Variants in LRP12 observed in about 807,000 individuals in gnomAD.
LRP12 encodes the protein LDL receptor related protein 12.
Under a neutral mutation model 66.0 loss-of-function variants are expected in LRP12, and 14 were observed. That is an observed-to-expected ratio of 0.21 (90% CI 0.14 to 0.33). LRP12 has a LOEUF of 0.33. LRP12 is among the 10% of genes least tolerant of loss of function. LRP12 has a pLI of 1.00. For missense variants in LRP12, 889 were observed against 1,053.4 expected (o/e 0.84, Z 2.16); for synonymous variants, 357 against 359.1 (o/e 0.99, Z 0.07).
At chr8:104,581,069 G>A (rs998136109) in intron 1 of LRP12, among the ~76,000 whole-genome samples, 7 of 152,138 alleles carry the variant, frequency 4.6e-5, no homozygotes, top group Non-Finnish European at 1.5e-5. Flanking sequence ...TAAAGAAAAC[G>A]TGGTACACAT....
chr8:104,521,012 C>G (rs1232112261), intron 2 of LRP12, among the ~76,000 whole-genome samples: 1 of 152,036 alleles, frequency 6.6e-6, no homozygotes, highest in African/African-American at 2.4e-5. Context: ...ACAATACAAC[C>G]TGTTCTGTCT....
At position 104,588,887 on chromosome 8, in the gene LRP12, C is replaced by A. The variant is rs1812381021; in HGVS notation, c.11G>T (p.Arg4Leu). The part of the protein sequence containing the change: MAC[R>L]WSTKESPRWR... Reference sequence around the variant, plus strand: ...CCGCGGAGACTCTTTTGTGCTCCAGCGACAGGCCATAACCACAGCAGATGG... The same window carrying A: ...CCGCGGAGACTCTTTTGTGCTCCAGAGACAGGCCATAACCACAGCAGATGG... Residue 4 changes from arginine (R) to leucine (L), a missense_variant, in exon 1 of 7, where the codon CGC (arginine) becomes CTC (leucine). Physicochemically the swap from Arg to Leu is moderately radical, Grantham distance 102 (BLOSUM62 -2). Around this residue, in one of 3 missense-constraint regions of LRP12, gnomAD observed 88 missense variants for 72.5 expected, o/e 1.21. Coordinates refer to ENST00000276654, the MANE Select transcript of LRP12 (RefSeq NM_013437.5). The A allele has an allele frequency of 1.9e-6, 3 of 1,609,320 alleles. No individual in the cohort carries two copies. The highest frequency in any genetic ancestry group is 2.2e-5 in the East Asian group (1 of 44,632).
intron 1 of LRP12, among the ~76,000 whole-genome samples, chr8:104,536,649 T>C (rs911650420): frequency 6.6e-6 from 1 of 152,024 alleles, no homozygotes; most frequent in Non-Finnish European, 1.5e-5. Context: ...AGCTTCTTAT[T>C]CAAGGGGAAA....
intron 1 of LRP12, among the ~76,000 whole-genome samples, chr8:104,565,015 A>C (rs1811976889): frequency 1.3e-5 from 2 of 152,160 alleles, no homozygotes. Flanking sequence ...TAAATTATAG[A>C]ATAAAAAGAT....
At chr8:104,581,846 C>G (rs1812253393) in intron 1 of LRP12, among the ~76,000 whole-genome samples, 1 of 152,142 alleles carries the variant, frequency 6.6e-6, no homozygotes, top group African/African-American at 2.4e-5. Context: ...TCTAATAATA[C>G]CTACCTCACA....
chr8:104,584,789 C>T (rs1564151177), intron 1 of LRP12, among the ~76,000 whole-genome samples: 2 of 152,290 alleles, frequency 1.3e-5, no homozygotes, highest in South Asian at 2.1e-4. Context: ...TTATTCAACA[C>T]ATTTTATGTA....
At chr8:104,509,497 T>C (rs1249894705) in intron 2 of LRP12, among the ~76,000 whole-genome samples, 1 of 152,220 alleles carries the variant, frequency 6.6e-6, no homozygotes, top group African/African-American at 2.4e-5. Flanking sequence ...ACGCTGTGTA[T>C]GCTACCCACC....
In LRP12 at chr8:104,558,192, A is replaced by C. The variant is rs1471276149; in HGVS notation, c.80-26229T>G. On this transcript the variant is annotated intron_variant, in intron 1 of 6. Coordinates refer to ENST00000276654, the MANE Select transcript of LRP12 (RefSeq NM_013437.5). Reference sequence around the variant, plus strand: ...ACCACTGCACTCCAGCTTGTGTGACAGAGTAAGACTTCATCAAAAACAAAC... The same window carrying C: ...ACCACTGCACTCCAGCTTGTGTGACCGAGTAAGACTTCATCAAAAACAAAC... Among the ~76,000 whole-genome samples the C allele has an allele frequency of 2.6e-5, 4 of 152,128 alleles. No homozygotes were observed. In the South Asian group the frequency reaches 6.2e-4, roughly 24 times the overall value.
At position 104,588,940 on chromosome 8, in the gene LRP12, G is replaced by T; in HGVS notation, c.-43C>A. 2 of 1,476,648 alleles carry T rather than the reference G, an allele frequency of 1.4e-6. No individual in the cohort carries two copies. The highest frequency in any genetic ancestry group is 9.2e-7 in the Non-Finnish European group (1 of 1,084,594). The allele number at this position is 1,476,648 out of a possible 1,614,324, so 91.5% of individuals were successfully genotyped here. A position where few individuals can be genotyped will look rare whatever the true frequency, so the allele number is the denominator to read the frequency against. ...AGAGAGAGGAGGAGACGGAGGAGGA[G>T]GGAGGAGAAGCTGGAGGTAGACGAC... On this transcript the variant is annotated 5_prime_UTR_variant, in exon 1 of 7. Coordinates refer to ENST00000276654, the MANE Select transcript of LRP12 (RefSeq NM_013437.5).
intron 1 of LRP12, among the ~76,000 whole-genome samples, chr8:104,543,572 T>C (rs1327202648): frequency 6.6e-6 from 1 of 152,210 alleles, no homozygotes; most frequent in African/African-American, 2.4e-5. Flanking sequence ...AACCTTATAA[T>C]GATCTCTAAG....
chr8:104,510,710 G>T (rs1810979906), intron 2 of LRP12, among the ~76,000 whole-genome samples: 1 of 152,026 alleles, frequency 6.6e-6, no homozygotes, highest in Non-Finnish European at 1.5e-5. Context: ...GCTGCCAGGG[G>T]TACATAAACA....
intron 1 of LRP12, among the ~76,000 whole-genome samples, chr8:104,540,923 G>A (rs1429020680): frequency 2.0e-5 from 3 of 152,042 alleles, no homozygotes; most frequent in Non-Finnish European, 2.9e-5. Context: ...TAGTAGAGAC[G>A]GGGTTTCACC....
In LRP12 at chr8:104,490,551, A is replaced by G. The variant is rs1810602115; in HGVS notation, c.*122T>C. The G allele has an allele frequency of 6.3e-6, 7 of 1,105,402 alleles. No homozygotes were observed. The highest frequency in any genetic ancestry group is 5.0e-5 in the East Asian group (2 of 40,346). The allele number at this position is 1,105,402 out of a possible 1,614,324, so 68.5% of individuals were successfully genotyped here. A position where few individuals can be genotyped will look rare whatever the true frequency, so the allele number is the denominator to read the frequency against. On this transcript the variant is annotated 3_prime_UTR_variant, in exon 7 of 7. Coordinates refer to ENST00000276654, the MANE Select transcript of LRP12 (RefSeq NM_013437.5). Reference sequence around the variant, plus strand: ...AATTTAACCATGCAGGCTAACATATAATAATAAGAAATCACCCTGCATTTT... The same window carrying G: ...AATTTAACCATGCAGGCTAACATATGATAATAAGAAATCACCCTGCATTTT...
rs1010338777 is a variant in LRP12 at position 104,490,750 on chromosome 8, C to G, written c.2503G>C (p.Ala835Pro). ...PCERCGIVHT[A>P]QIPDTCLEVT... ...TCTAAGCAAGTGTCTGGTATCTGGG[C>G]AGTGTGGACAATACCACAGCGCTCA... is the stretch of plus-strand genomic sequence containing the variant. Residue 835 changes from alanine (A) to proline (P), a missense_variant, in exon 7 of 7, where the codon GCC becomes CCC. Transcript: ENST00000276654. 6.2e-7 allele frequency: 1 copy of G among 1,613,970 alleles called. No individual in the cohort carries two copies. Among genetic ancestry groups the G allele is most frequent in the Non-Finnish European group, 8.5e-7 (1 of 1,180,018 alleles).
At chr8:104,566,878 C>T (rs1379188900) in intron 1 of LRP12, among the ~76,000 whole-genome samples, 8 of 151,996 alleles carry the variant, frequency 5.3e-5, no homozygotes, top group East Asian at 3.9e-4. Flanking sequence ...TAAAATAGCA[C>T]AAGCGGCTGG....
chr8:104,518,711 T>A (rs1001363942), intron 2 of LRP12, among the ~76,000 whole-genome samples: 2 of 152,080 alleles, frequency 1.3e-5, no homozygotes, highest in Non-Finnish European at 2.9e-5. Context: ...CTTCTTAGTA[T>A]CTTTGGTATT....
intron 2 of LRP12, among the ~76,000 whole-genome samples, chr8:104,526,072 C>T (rs1313258949): frequency 1.3e-5 from 2 of 152,092 alleles, no homozygotes; most frequent in Admixed American, 6.6e-5. Context: ...GAGCGAACTC[C>T]CATTCACAAT....
chr8:104,547,989 T>C (rs1175394862), intron 1 of LRP12, among the ~76,000 whole-genome samples: 1 of 124,578 alleles, frequency 8.0e-6, no homozygotes, highest in Non-Finnish European at 1.6e-5. Flanking sequence ...TATATAATTG[T>C]TATATTTTGT....
chr8:104,547,914 T>A (rs1451119823), intron 1 of LRP12, among the ~76,000 whole-genome samples: 1 of 129,040 alleles, frequency 7.7e-6, no homozygotes, highest in Non-Finnish European at 1.5e-5. Context: ...TTCTGTTATA[T>A]TTTGTATATA....
Sources: gnomAD v4.1 joint callset for allele counts (sites outside exome capture counted in the v4.1 genomes callset) on GRCh38, gnomAD v4.1.1 for gene constraint, gnomAD v4.1.1 regional missense constraint, MANE v1.5 for transcripts, NCBI Gene and HGNC (gene_info 2026-07-23, HGNC 2026-07-21) for gene names.